The following USP32 variants were observed in gnomAD, a reference collection of about 807,000 sequenced individuals.
USP32 encodes ubiquitin specific peptidase 32.
A neutral mutation model predicts 204.8 loss-of-function variants in USP32; 59 were observed. The observed-to-expected ratio is 0.29, with a 90% confidence interval of 0.23 to 0.36. USP32 has a LOEUF of 0.36. Among genes scored for constraint, USP32 ranks in the 10% least tolerant of loss-of-function variants. The pLI is 1.00. For missense variants in USP32, 1,160 were observed against 1,946.4 expected, an observed-to-expected ratio of 0.60 and a Z score of 7.60; for synonymous variants, 517 against 678.4, an observed-to-expected ratio of 0.76 and a Z score of 3.70.
chr17:60,248,522 T>C (rs1435218125), intron 11 of USP32, among the ~76,000 whole-genome samples: 2 of 152,228 alleles, frequency 1.3e-5, no homozygotes, highest in Non-Finnish European at 2.9e-5. Context: ...CCAACTTCTG[T>C]GAAACTCTGT....
At chr17:60,222,603 G>A (rs1046787022) in intron 14 of USP32, 54 bp from the exon 15 acceptor site, 35 of 1,579,680 alleles carry the variant, frequency 2.2e-5, no homozygotes, top group Non-Finnish European at 1.4e-5. Context: ...AAGTTTTTGG[G>A]TCTCAGCAAT....
At chr17:60,234,116 A>AT (rs151158730) in intron 12 of USP32, among the ~76,000 whole-genome samples, 2,039 of 141,714 alleles carry the variant, frequency 0.014, 29 homozygotes, top group African/African-American at 0.039. Context: ...AGCATGACTA[A>AT]TTTTTTTTTT....
intron 12 of USP32, among the ~76,000 whole-genome samples, chr17:60,232,327 C>T (rs1329647929): frequency 6.6e-6 from 1 of 150,980 alleles, no homozygotes; most frequent in African/African-American, 2.4e-5. Flanking sequence ...CACACGCCAC[C>T]ACGCCAGGCT....
chr17:60,362,911 A>C (rs1241076138), intron 1 of USP32, among the ~76,000 whole-genome samples: 1 of 152,050 alleles, frequency 6.6e-6, no homozygotes, highest in Non-Finnish European at 1.5e-5. Context: ...AATCTAACCA[A>C]ATTGTAATAA....
At chr17:60,421,654 C>G (rs2090116410) in intron 1 of USP32, 1 of 932,246 alleles carries the variant, frequency 1.1e-6, no homozygotes, top group Non-Finnish European at 1.3e-6. Flanking sequence ...CGCGAGGGGG[C>G]GCTGCTGCCG....
In USP32 at chr17:60,177,428, G is replaced by A. The variant is rs1012285688; in HGVS notation, c.*1827C>T. On this transcript the variant is annotated 3_prime_UTR_variant, in exon 34 of 34. Transcript: ENST00000300896. ...ACAAGTTTTATACAGTAATTTACAA[G>A]GTGAATGTAGTTAATAGTTAATTTA... 5.3e-5 allele frequency among the ~76,000 whole-genome samples: 8 copies of A among 152,070 alleles called. No individual in the cohort carries two copies. Among genetic ancestry groups the A allele is most frequent in the African/African-American group, 1.2e-4 (5 of 41,388 alleles).
At chr17:60,414,837 TTTTTC>T (rs1203699518) in intron 1 of USP32, among the ~76,000 whole-genome samples, 1 of 151,040 alleles carries the variant, frequency 6.6e-6, no homozygotes, top group Non-Finnish European at 1.5e-5. Context: ...CAGATTTTTA[TTTTTC>T]TTTTCTTTCT....
At chr17:60,318,911 T>C (rs781614905) in intron 2 of USP32, among the ~76,000 whole-genome samples, 3 of 152,196 alleles carry the variant, frequency 2.0e-5, no homozygotes, top group Non-Finnish European at 2.9e-5. Flanking sequence ...TATTCAGTCA[T>C]AAAAAGGAAT....
In USP32 at chr17:60,177,990, T is replaced by C. The variant is rs967060462; in HGVS notation, c.*1265A>G. Among the ~76,000 whole-genome samples the C allele has an allele frequency of 6.6e-6, 1 of 152,038 alleles. No homozygotes were observed. The highest frequency in any genetic ancestry group is 2.4e-5 in the African/African-American group (1 of 41,394). On this transcript the variant is annotated 3_prime_UTR_variant, in exon 34 of 34. Transcript: ENST00000300896. The stretch of plus-strand genomic sequence containing the variant: ...CGAAAAAAATGCTACCTGAAATAAA[T>C]AATATTTATACTTTTGTTCCAGTCT...
At chr17:60,402,525 G>A (rs949120692) in intron 1 of USP32, among the ~76,000 whole-genome samples, 1 of 152,144 alleles carries the variant, frequency 6.6e-6, no homozygotes, top group Non-Finnish European at 1.5e-5. Context: ...TGGGATTACA[G>A]GCATAAGCCA....
In USP32 at chr17:60,198,359, T is replaced by C. The variant is rs767318717; in HGVS notation, c.3335A>G (p.His1112Arg). ...ATCATATAGGTCTTTCTTCCGGGTA[T>C]GCACAGTACATGGAACAATCAATGG... ...GMPLIVPCTV[H>R]TRKKDLYDAV... The change falls in exon 27 of 34, where the codon CAT (histidine) becomes CGT (arginine). Residue 1112 changes from histidine to arginine, a missense_variant. His to Arg is a conservative substitution (Grantham distance 29, BLOSUM62 0). Coordinates refer to ENST00000300896, the MANE Select transcript of USP32 (RefSeq NM_032582.4). 1.2e-6 allele frequency: 2 copies of C among 1,614,216 alleles called. No homozygotes were observed. Among genetic ancestry groups the C allele is most frequent in the South Asian group, 2.2e-5 (2 of 91,086 alleles).
chr17:60,361,533 A>C (rs1461275862), intron 1 of USP32, among the ~76,000 whole-genome samples: 26 of 152,218 alleles, frequency 1.7e-4, no homozygotes. Flanking sequence ...TCCAGTGAGC[A>C]CTAGGGTCAT....
intron 2 of USP32, among the ~76,000 whole-genome samples, chr17:60,344,417 C>T (rs1186835969): frequency 6.6e-6 from 1 of 151,952 alleles, no homozygotes; most frequent in Non-Finnish European, 1.5e-5. Flanking sequence ...TGTGAGACAC[C>T]TTGCCCAGCC....
intron 26 of USP32, among the ~76,000 whole-genome samples, chr17:60,198,941 C>T (rs1379339794): frequency 6.6e-6 from 1 of 152,004 alleles, no homozygotes; most frequent in Non-Finnish European, 1.5e-5. Context: ...TAGGGAGACC[C>T]TATCTCTATA....
At chr17:60,232,546 ATT>A (rs11344960) in intron 12 of USP32, among the ~76,000 whole-genome samples, 4,608 of 100,648 alleles carry the variant, frequency 0.046, 283 homozygotes, top group African/African-American at 0.15. Context: ...GAGAAATTTG[ATT>A]TTTTTTTTTT....
chr17:60,396,959 C>T (rs991681184), upstream of USP32, among the ~76,000 whole-genome samples: 35 of 152,150 alleles, frequency 2.3e-4, no homozygotes, highest in Admixed American at 1.2e-3. Context: ...ATGGATAGTA[C>T]CACCAGTGGC....
intron 1 of USP32, among the ~76,000 whole-genome samples, chr17:60,349,628 A>ATATATATATATAT (rs1206477259): frequency 5.0e-5 from 5 of 100,808 alleles, no homozygotes; most frequent in East Asian, 5.0e-4. Context: ...TATATATTAT[A>ATATATATATATAT]TATATATATA....
intron 1 of USP32, among the ~76,000 whole-genome samples, chr17:60,366,102 C>T (rs1411551979): frequency 1.3e-5 from 2 of 152,048 alleles, no homozygotes; most frequent in African/African-American, 4.8e-5. Flanking sequence ...CTCAGCCTCT[C>T]CAGTAGCTGG....
At chr17:60,251,203 A>G (rs2086158603) in intron 11 of USP32, among the ~76,000 whole-genome samples, 1 of 152,066 alleles carries the variant, frequency 6.6e-6, no homozygotes, top group African/African-American at 2.4e-5. Flanking sequence ...TTGGCTTCCC[A>G]AAGTGCTGGG....
Sources: allele counts gnomAD v4.1 joint callset (sites outside exome capture counted in the v4.1 genomes callset), GRCh38; gene constraint gnomAD v4.1.1; transcripts MANE v1.5; gene names NCBI Gene and HGNC (gene_info 2026-07-23, HGNC 2026-07-21).